Variants in STRA6 observed in about 807,000 individuals in gnomAD.
STRA6 encodes receptor for retinol uptake STRA6.
A neutral mutation model predicts 83.6 loss-of-function variants in STRA6; 48 were observed. That is an observed-to-expected ratio of 0.57 (90% CI 0.46 to 0.73). The LOEUF is 0.73. Among genes scored for constraint, STRA6 ranks in the 30% least tolerant of loss-of-function variants. The pLI is 0.00. For synonymous variants in STRA6, 353 were observed against 362.3 expected, an observed-to-expected ratio of 0.97 and a Z score of 0.29; for missense variants, 760 against 838.8, an observed-to-expected ratio of 0.91 and a Z score of 1.16.
rs753863329 is a variant in STRA6, at chr15:74,188,284, G to A, written c.1090+831C>T. 1.2e-4 allele frequency among the ~76,000 whole-genome samples: 18 copies of A among 152,248 alleles called. No individual in the cohort carries two copies. The highest frequency in any genetic ancestry group is 2.2e-4 in the Non-Finnish European group (15 of 68,044). On this transcript the variant is annotated intron_variant, in intron 12 of 18. Transcript: ENST00000395105. The surrounding 1 kb of genome is among the most constrained non-coding windows in gnomAD (Gnocchi z 4.5). ...GAGCAGCTACACCTCCACCTGCAAC[G>A]CTGGCAGCCCACGCTCTGACCACAT...
At chr15:74,197,863 CT>C (rs1040556210) in intron 2 of STRA6, 45 bp from the exon 3 acceptor site, 7 of 1,601,986 alleles carry the variant, frequency 4.4e-6, no homozygotes, top group Middle Eastern at 1.6e-4. Context: ...TCAGGCCCCC[CT>C]GGGTGTGCAG....
At chr15:74,199,323 G>C (rs923344607) in intron 2 of STRA6, among the ~76,000 whole-genome samples, 2 of 152,174 alleles carry the variant, frequency 1.3e-5, no homozygotes, top group Non-Finnish European at 2.9e-5. Flanking sequence ...TTGGTGGAGA[G>C]GCAGAGTAAG....
At chr15:74,194,389 T>C in intron 7 of STRA6, 1 of 1,063,852 alleles carries the variant, frequency 9.4e-7, no homozygotes, top group Non-Finnish European at 1.1e-6. Flanking sequence ...TTCATTTATT[T>C]GTTGGTTCAA....
At chr15:74,200,671 CA>C (rs1395888581) in intron 2 of STRA6, among the ~76,000 whole-genome samples, 1 of 152,148 alleles carries the variant, frequency 6.6e-6, no homozygotes, top group East Asian at 1.9e-4. Flanking sequence ...ACTTTGAGGG[CA>C]GGGGGATGGC....
At chr15:74,193,979 C>T in intron 7 of STRA6, 57 bp from the exon 8 acceptor site, 9 of 1,602,270 alleles carry the variant, frequency 5.6e-6, no homozygotes, top group South Asian at 3.3e-5. Context: ...CAGCCAAGAA[C>T]CAGAATCCGT....
upstream of STRA6, chr15:74,203,032 A>G (rs1595866094): frequency 1.0e-6 from 1 of 985,646 alleles, no homozygotes; most frequent in Non-Finnish European, 1.2e-6. Flanking sequence ...CAGAGCTCCC[A>G]AGCCCCTGCC....
intron 12 of STRA6, among the ~76,000 whole-genome samples, chr15:74,187,498 AAC>A (rs1449072234): frequency 3.9e-5 from 6 of 152,016 alleles, no homozygotes; most frequent in East Asian, 3.9e-4. Flanking sequence ...TAAGTGATGG[AAC>A]AGAGATTCTA....
At position 74,195,455 on chromosome 15, in the gene STRA6, T is replaced by C. The variant is rs912472798; in HGVS notation, c.444A>G (p.Ile148Met). ...GGGCAGCATAATAGAACAGTCCCAG[T>C]ATCTTCCAGGCCCCTGGAAGGTGAA... ...KTEAPRGAWK[I>M]LGLFYYAALY... is the part of the protein sequence containing the mutation. Residue 148 changes from isoleucine (I) to methionine (M), a missense_variant, in exon 7 of 19, where the codon ATA (isoleucine) becomes ATG (methionine). Ile to Met is a conservative substitution (Grantham distance 10). Coordinates refer to ENST00000395105, the MANE Select transcript of STRA6 (RefSeq NM_022369.4). 1.9e-6 allele frequency: 3 copies of C among 1,613,374 alleles called. No individual in the cohort carries two copies. Among genetic ancestry groups the C allele is most frequent in the Non-Finnish European group, 2.5e-6 (3 of 1,179,908 alleles).
chr15:74,201,181 C>T (rs1195743065), intron 2 of STRA6, among the ~76,000 whole-genome samples: 1 of 152,168 alleles, frequency 6.6e-6, no homozygotes, highest in Non-Finnish European at 1.5e-5. Context: ...AGCCTCTGTC[C>T]CTGCTGGATG....
At chr15:74,211,157 A>G (rs75208833), upstream of STRA6, among the ~76,000 whole-genome samples, 77 of 5,624 alleles carry the variant, frequency 0.014, no homozygotes, top group African/African-American at 0.015. Flanking sequence ...GCACACGCAC[A>G]CACACACACA....
At position 74,183,606 on chromosome 15, in the gene STRA6, G is replaced by C. The variant is rs908610075; in HGVS notation, c.1300+250C>G. The C allele has an allele frequency of 2.2e-6, 3 of 1,355,364 alleles. No homozygotes were observed. The Admixed American group carries it at 9.0e-5, about 41-fold the overall frequency. 84.0% of individuals were successfully genotyped at this position (1,355,364 alleles called of 1,614,324 possible). A position where few individuals can be genotyped will look rare whatever the true frequency, so the allele number is the denominator to read the frequency against. ...GGGTCCACCCCCATGTGAATACTTG[G>C]TGGCACCCAGGGTTCATCTCCATGT... is the stretch of plus-strand genomic sequence containing the variant. On this transcript the variant is annotated intron_variant, in intron 14 of 18. Coordinates refer to ENST00000395105, the MANE Select transcript of STRA6 (RefSeq NM_022369.4).
At chr15:74,211,693 G>A (rs190399699), upstream of STRA6, among the ~76,000 whole-genome samples, 80 of 151,876 alleles carry the variant, frequency 5.3e-4, no homozygotes, top group African/African-American at 1.8e-3. Context: ...TATGAGTCAC[G>A]GTGCTCAGCC....
chr15:74,195,246 T>C, intron 7 of STRA6, 56 bp downstream of exon 7: 1 of 1,596,652 alleles, frequency 6.3e-7, no homozygotes, highest in Non-Finnish European at 8.5e-7. Flanking sequence ...GCACTGTGGT[T>C]TGAGTAGGTT....
Position 74,195,293 on chromosome 15 carries a change from A to C in STRA6, c.597+9T>G, listed in dbSNP as rs28541560. 2.6e-3 allele frequency: 4,178 copies of C among 1,611,664 alleles called. 108 individuals are homozygous for C. In the African/African-American group the frequency reaches 0.05, roughly 19 times the overall value. Reference sequence around the variant, plus strand: ...CCCTCTGCCCTAGGCCATTGTGATCAGCGGTTACCTTGGGCACCTGGGGAC... The same window carrying C: ...CCCTCTGCCCTAGGCCATTGTGATCCGCGGTTACCTTGGGCACCTGGGGAC... On this transcript the variant is annotated intron_variant, in intron 7 of 18. Transcript: ENST00000395105.
intron 4 of STRA6, 139 bp from the exon 5 acceptor site, chr15:74,196,286 T>A: frequency 7.5e-7 from 1 of 1,330,032 alleles, no homozygotes; most frequent in Non-Finnish European, 1.0e-6. Flanking sequence ...CTTCATTCAT[T>A]CATTCCATAG....
chr15:74,203,126 G>C, upstream of STRA6: 1 of 985,570 alleles, frequency 1.0e-6, no homozygotes, highest in Non-Finnish European at 1.2e-6. Flanking sequence ...GGCTGGGCTG[G>C]GGCGGAGGCA....
chr15:74,192,492 G>A (rs931410726), intron 8 of STRA6, among the ~76,000 whole-genome samples: 1 of 152,148 alleles, frequency 6.6e-6, no homozygotes, highest in Non-Finnish European at 1.5e-5. Flanking sequence ...CCTGCCTAGG[G>A]ATCTCACTCA....
At chr15:74,189,799 G>A (rs2073443367) in intron 11 of STRA6, among the ~76,000 whole-genome samples, 1 of 151,760 alleles carries the variant, frequency 6.6e-6, no homozygotes, top group African/African-American at 2.4e-5. Flanking sequence ...GAGTAGCTGG[G>A]ACTACAGGCC....
intron 1 of STRA6, chr15:74,207,859 A>T: frequency 1.3e-6 from 2 of 1,525,990 alleles, no homozygotes; most frequent in Non-Finnish European, 1.8e-6. Flanking sequence ...CACCAGACCA[A>T]GTCTGACTCC....
Sources: gnomAD v4.1 joint callset for allele counts (sites outside exome capture counted in the v4.1 genomes callset) on GRCh38, gnomAD v4.1.1 for gene constraint, Gnocchi (gnomAD v3.1) non-coding constraint, MANE v1.5 for transcripts, NCBI Gene and HGNC (gene_info 2026-07-23, HGNC 2026-07-21) for gene names.